Variants in OSBPL10 observed in about 807,000 individuals in gnomAD.
The protein encoded by OSBPL10 is oxysterol-binding protein-related protein 10.
A neutral mutation model predicts 81.7 loss-of-function variants in OSBPL10; 49 were observed. The ratio of observed to expected loss-of-function variants is 0.60; its 90% CI spans 0.48 to 0.76. The LOEUF is 0.76. Ranked by LOEUF, OSBPL10 falls within the 30% of genes least tolerant of loss-of-function variation. OSBPL10 has a pLI of 0.00. For synonymous variants in OSBPL10, 419 were observed against 383.6 expected, an observed-to-expected ratio of 1.09 and a Z score of -1.08; for missense variants, 923 against 987.8, an observed-to-expected ratio of 0.93 and a Z score of 0.88.
intron 1 of OSBPL10, among the ~76,000 whole-genome samples, chr3:31,920,955 A>G (rs768667988): frequency 2.0e-5 from 3 of 152,176 alleles, no homozygotes; most frequent in Admixed American, 6.5e-5. Flanking sequence ...CTGCAGAACC[A>G]TGAGCCAAAT....
intron 1 of OSBPL10, among the ~76,000 whole-genome samples, chr3:31,958,332 C>A (rs1027822079): frequency 1.3e-5 from 2 of 152,174 alleles, no homozygotes; most frequent in African/African-American, 2.4e-5. Context: ...GTACACCTCA[C>A]AAATTAGTCC....
At chr3:32,043,825 T>C (rs1262512855) in intron 2 of OSBPL10, among the ~76,000 whole-genome samples, 1 of 152,176 alleles carries the variant, frequency 6.6e-6, no homozygotes, top group African/African-American at 2.4e-5. Context: ...GAAAACGAAA[T>C]ACCGCATGTT....
intron 4 of OSBPL10, among the ~76,000 whole-genome samples, chr3:31,807,374 A>AAAATAAATAAATAAATAAATAAATAAAT (rs536299438): frequency 1.5e-5 from 2 of 137,330 alleles, no homozygotes; most frequent in Non-Finnish European, 3.1e-5. Flanking sequence ...CTGTCTCAGA[A>AAAATAAATAAATAAATAAATAAATAAAT]AAATAAATAA....
intron 2 of OSBPL10, among the ~76,000 whole-genome samples, chr3:32,020,466 A>C (rs1699350233): frequency 6.6e-6 from 1 of 152,256 alleles, no homozygotes; most frequent in Non-Finnish European, 1.5e-5. Context: ...AGCATGTATC[A>C]GTACTATATC....
At chr3:31,910,551 G>A (rs1448021456) in intron 1 of OSBPL10, among the ~76,000 whole-genome samples, 2 of 151,908 alleles carry the variant, frequency 1.3e-5, no homozygotes, top group African/African-American at 4.8e-5. Context: ...TGGAAGAATC[G>A]CTTGAACCTG....
chr3:31,839,338 A>G (rs1700437446), intron 3 of OSBPL10, among the ~76,000 whole-genome samples: 1 of 152,206 alleles, frequency 6.6e-6, no homozygotes, highest in Non-Finnish European at 1.5e-5. Flanking sequence ...AGATTCAGCA[A>G]GTATTTAATA....
intron 11 of OSBPL10, chr3:31,663,021 G>A: frequency 1.0e-6 from 1 of 985,410 alleles, no homozygotes; most frequent in South Asian, 4.7e-5. Context: ...GCCTGACTCT[G>A]GGGAGAACAG....
At chr3:32,076,211 T>C (rs1699874897) in intron 1 of OSBPL10, among the ~76,000 whole-genome samples, 1 of 151,936 alleles carries the variant, frequency 6.6e-6, no homozygotes, top group African/African-American at 2.4e-5. Flanking sequence ...CTACTAAAAA[T>C]TCAAAAATTA....
At chr3:31,927,858 A>C (rs562452024) in intron 1 of OSBPL10, among the ~76,000 whole-genome samples, 1 of 152,328 alleles carries the variant, frequency 6.6e-6, no homozygotes, top group African/African-American at 2.4e-5. Context: ...GTAGCCCGTG[A>C]ATCTTCACAT....
At chr3:31,865,925 G>A (rs1056984364) in intron 3 of OSBPL10, among the ~76,000 whole-genome samples, 1 of 152,102 alleles carries the variant, frequency 6.6e-6, no homozygotes, top group Admixed American at 6.5e-5. Flanking sequence ...CAAGTAGTTG[G>A]ATAGACCAGG....
At chr3:32,002,735 T>C (rs1228732983) in intron 2 of OSBPL10, among the ~76,000 whole-genome samples, 1 of 152,246 alleles carries the variant, frequency 6.6e-6, no homozygotes, top group Non-Finnish European at 1.5e-5. Flanking sequence ...CAGAAGGCAC[T>C]ACTCACTCCA....
At chr3:31,810,835 A>G (rs1699661862) in intron 4 of OSBPL10, among the ~76,000 whole-genome samples, 1 of 152,240 alleles carries the variant, frequency 6.6e-6, no homozygotes, top group Non-Finnish European at 1.5e-5. Context: ...CAATGGCTCC[A>G]TCAAGCAATT....
At chr3:31,955,514 G>A (rs1032930317) in intron 1 of OSBPL10, among the ~76,000 whole-genome samples, 13 of 152,210 alleles carry the variant, frequency 8.5e-5, no homozygotes, top group African/African-American at 2.9e-4. Context: ...CTATCATGCA[G>A]TAGGAAGCCA....
intron 1 of OSBPL10, among the ~76,000 whole-genome samples, chr3:31,898,634 A>G (rs1296429329): frequency 6.6e-6 from 1 of 151,960 alleles, no homozygotes; most frequent in Non-Finnish European, 1.5e-5. Context: ...ATATCTTTAC[A>G]AATATACAAA....
chr3:32,038,801 A>G (rs1699543588), intron 2 of OSBPL10, among the ~76,000 whole-genome samples: 1 of 152,206 alleles, frequency 6.6e-6, no homozygotes, highest in South Asian at 2.1e-4. Context: ...ATTTAATTGT[A>G]CACTCAGCAT....
rs559175870 is a variant in OSBPL10 at position 31,847,783 on chromosome 3, G to A, written c.538-17552C>T. On this transcript the variant is annotated intron_variant, in intron 3 of 11. Coordinates refer to ENST00000396556, the MANE Select transcript of OSBPL10 (RefSeq NM_017784.5). ...AGCAGAAAGAACAGCCAAGGAGAGG[G>A]AGGCAAACTAAAGATCAGCAACATG... 3.3e-4 allele frequency among the ~76,000 whole-genome samples: 50 copies of A among 152,190 alleles called. 1 individual carries two copies. Among genetic ancestry groups the A allele is most frequent in the Non-Finnish European group, 5.1e-4 (35 of 68,024 alleles).
chr3:31,775,758 G>C (rs1209802294), intron 4 of OSBPL10, among the ~76,000 whole-genome samples: 2 of 152,046 alleles, frequency 1.3e-5, no homozygotes, highest in African/African-American at 4.8e-5. Flanking sequence ...AGAGTAATCT[G>C]GAATGACAGA....
chr3:31,946,356 A>G (rs1182336677), intron 1 of OSBPL10, among the ~76,000 whole-genome samples: 1 of 151,950 alleles, frequency 6.6e-6, no homozygotes, highest in Non-Finnish European at 1.5e-5. Flanking sequence ...TTAGAAATCA[A>G]TTAAGAATTT....
At chr3:31,673,264 T>A (rs1485019643) in intron 8 of OSBPL10, among the ~76,000 whole-genome samples, 1 of 152,222 alleles carries the variant, frequency 6.6e-6, no homozygotes, top group African/African-American at 2.4e-5. Context: ...TGGAGAAGAA[T>A]GGCCAAGTCT....
Sources: allele counts gnomAD v4.1 joint callset (sites outside exome capture counted in the v4.1 genomes callset), GRCh38; gene constraint gnomAD v4.1.1; transcripts MANE v1.5; gene names NCBI Gene and HGNC (gene_info 2026-07-23, HGNC 2026-07-21).